The following EPB41L4A variants were observed in gnomAD, a reference collection of about 807,000 sequenced individuals.
EPB41L4A encodes band 4.1-like protein 4A.
Under a neutral mutation model 108.6 loss-of-function variants are expected in EPB41L4A, and 100 were observed. The observed-to-expected ratio is 0.92, with a 90% CI of 0.78 to 1.09. The LOEUF is 1.09. EPB41L4A is among the 50% of genes least tolerant of loss of function. The probability of loss-of-function intolerance (pLI) is 0.00; values close to 1 mark genes in which losing one functional copy is unlikely to be tolerated. For missense variants in EPB41L4A, 1,030 were observed against 842.7 expected (o/e 1.22, Z -2.75); for synonymous variants, 319 against 289.0 (o/e 1.10, Z -1.05).
chr5:112,237,504 T>C (rs1368657186), intron 11 of EPB41L4A, among the ~76,000 whole-genome samples: 1 of 152,080 alleles, frequency 6.6e-6, no homozygotes, highest in Non-Finnish European at 1.5e-5. Context: ...TATAAACACA[T>C]ACACAATTAC....
intron 1 of EPB41L4A, among the ~76,000 whole-genome samples, chr5:112,401,781 T>C (rs1035069013): frequency 1.3e-5 from 2 of 152,172 alleles, no homozygotes; most frequent in Non-Finnish European, 2.9e-5. Flanking sequence ...AGAGAGCCAA[T>C]GACAGGTGCA....
At chr5:112,206,029 T>G (rs909102644) in intron 13 of EPB41L4A, 2 of 153,516 alleles carry the variant, frequency 1.3e-5, no homozygotes, top group Admixed American at 1.3e-4. Flanking sequence ...GAGAATGACT[T>G]TCAAATGCTA....
chr5:112,219,119 AAT>A (rs1258907624), intron 12 of EPB41L4A, among the ~76,000 whole-genome samples: 12 of 152,084 alleles, frequency 7.9e-5, no homozygotes, highest in African/African-American at 2.9e-4. Context: ...ATTTATCCCT[AAT>A]ATGTTTTGAA....
At chr5:112,417,523 A>G (rs925962247) in intron 1 of EPB41L4A, among the ~76,000 whole-genome samples, 1 of 152,238 alleles carries the variant, frequency 6.6e-6, no homozygotes, top group African/African-American at 2.4e-5. Flanking sequence ...TTCATACAGT[A>G]CACCAAAGAA....
At chr5:112,198,328 T>C (rs929587452) in intron 15 of EPB41L4A, among the ~76,000 whole-genome samples, 6 of 152,158 alleles carry the variant, frequency 3.9e-5, no homozygotes, top group Admixed American at 2.6e-4. Context: ...CCACCGTACA[T>C]GGCTCCCAAT....
At chr5:112,181,570 G>T (rs997197959) in intron 18 of EPB41L4A, among the ~76,000 whole-genome samples, 5 of 152,126 alleles carry the variant, frequency 3.3e-5, no homozygotes, top group Admixed American at 1.3e-4. Flanking sequence ...TGTCTATAAC[G>T]CAATGGCAAA....
At chr5:112,261,425 T>C (rs1053485323) in intron 7 of EPB41L4A, among the ~76,000 whole-genome samples, 3 of 152,344 alleles carry the variant, frequency 2.0e-5, no homozygotes, top group East Asian at 1.9e-4. Context: ...AGTCTATAAA[T>C]ACTCTCCAGC....
At chr5:112,358,452 T>G (rs1275656240) in intron 1 of EPB41L4A, among the ~76,000 whole-genome samples, 1 of 152,240 alleles carries the variant, frequency 6.6e-6, no homozygotes, top group Non-Finnish European at 1.5e-5. Context: ...TCTAAGATCC[T>G]GATACGTACC....
At chr5:112,268,094 A>G (rs1751989537) in intron 4 of EPB41L4A, among the ~76,000 whole-genome samples, 1 of 152,246 alleles carries the variant, frequency 6.6e-6, no homozygotes, top group African/African-American at 2.4e-5. Context: ...AAAACCTTAT[A>G]AACAAGAGTG....
At chr5:112,300,785 C>T (rs1340098054) in intron 2 of EPB41L4A, among the ~76,000 whole-genome samples, 1 of 152,096 alleles carries the variant, frequency 6.6e-6, no homozygotes, top group Non-Finnish European at 1.5e-5. Flanking sequence ...GCCAATTATT[C>T]TTAGATTTGG....
intron 1 of EPB41L4A, among the ~76,000 whole-genome samples, chr5:112,348,777 A>G (rs1194526433): frequency 6.6e-6 from 1 of 152,256 alleles, no homozygotes; most frequent in East Asian, 1.9e-4. Context: ...CTGTGTTTCA[A>G]GGAATTCCCA....
At chr5:112,389,479 T>C (rs760370727) in intron 1 of EPB41L4A, among the ~76,000 whole-genome samples, 7 of 152,218 alleles carry the variant, frequency 4.6e-5, no homozygotes, top group Non-Finnish European at 7.3e-5. Flanking sequence ...ATTTCTCAAA[T>C]AGGCCAGTTT....
chr5:112,239,480 A>T, intron 11 of EPB41L4A, 180 bp downstream of exon 11: 1 of 425,468 alleles, frequency 2.4e-6, no homozygotes. Flanking sequence ...ACTAAATATA[A>T]TTAAATCTGG....
intron 18 of EPB41L4A, among the ~76,000 whole-genome samples, chr5:112,179,355 A>G (rs568971135): frequency 7.8e-4 from 119 of 152,232 alleles, no homozygotes; most frequent in African/African-American, 2.8e-3. Flanking sequence ...GACCAATATA[A>G]TATTTTTACC....
chr5:112,217,978 G>A (rs544739372), intron 12 of EPB41L4A, among the ~76,000 whole-genome samples: 6 of 152,000 alleles, frequency 3.9e-5, no homozygotes, highest in Non-Finnish European at 7.4e-5. Flanking sequence ...CTCTGCTTTC[G>A]TCATTACCAA....
chr5:112,318,180 T>G (rs1296143273), intron 1 of EPB41L4A, among the ~76,000 whole-genome samples: 1 of 152,160 alleles, frequency 6.6e-6, no homozygotes, highest in African/African-American at 2.4e-5. Context: ...ACCAAGCACT[T>G]GCCTTCTCTT....
chr5:112,414,688 T>C (rs1282904020), intron 1 of EPB41L4A, among the ~76,000 whole-genome samples: 2 of 152,202 alleles, frequency 1.3e-5, no homozygotes, highest in East Asian at 3.8e-4. Flanking sequence ...CAACAATGCT[T>C]TCCCCCTTAA....
chr5:112,253,656 C>T (rs1347292331), intron 9 of EPB41L4A, among the ~76,000 whole-genome samples: 1 of 152,096 alleles, frequency 6.6e-6, no homozygotes, highest in Non-Finnish European at 1.5e-5. Flanking sequence ...TAGTCTATGA[C>T]ATACGTAACT....
At chr5:112,357,209 A>C (rs1758411650) in intron 1 of EPB41L4A, among the ~76,000 whole-genome samples, 1 of 152,176 alleles carries the variant, frequency 6.6e-6, no homozygotes, top group African/African-American at 2.4e-5. Flanking sequence ...GGAAATAATA[A>C]TTGTCATTTT....
Sources: allele counts gnomAD v4.1 joint callset (sites outside exome capture counted in the v4.1 genomes callset), GRCh38; gene constraint gnomAD v4.1.1; transcripts MANE v1.5; gene names NCBI Gene and HGNC (gene_info 2026-07-23, HGNC 2026-07-21).